Variants in RYR2 observed in about 807,000 individuals in gnomAD.
RYR2 encodes ryanodine receptor 2, also known as cardiac muscle ryanodine receptor-calcium release channel.
Under a neutral mutation model 601.1 loss-of-function variants are expected in RYR2, and 227 were observed. The observed-to-expected ratio is 0.38, with a 90% CI of 0.34 to 0.42. The LOEUF (loss-of-function observed/expected upper bound fraction) is 0.42, where lower values mean the gene tolerates loss of function less well. Ranked by LOEUF, RYR2 falls within the 10% of genes least tolerant of loss-of-function variation. The pLI, the probability that RYR2 is intolerant of heterozygous loss-of-function variation, is 1.00. For synonymous variants in RYR2, 2,223 were observed against 2,175.1 expected, an observed-to-expected ratio of 1.02 and a Z score of -0.61; for missense variants, 4,646 against 6,156.5, an observed-to-expected ratio of 0.75 and a Z score of 8.21.
At chr1:237,317,234 C>T (rs186681792) in intron 2 of RYR2, among the ~76,000 whole-genome samples, 281 of 152,158 alleles carry the variant, frequency 1.8e-3, no homozygotes, top group Non-Finnish European at 3.3e-3. Flanking sequence ...AAAGCAAAAC[C>T]GAATAACTCT....
intron 1 of RYR2, among the ~76,000 whole-genome samples, chr1:237,204,161 C>T (rs2149059536): frequency 6.6e-6 from 1 of 152,280 alleles, no homozygotes; most frequent in South Asian, 2.1e-4. Context: ...CAGATGTGTG[C>T]CACCACGCCT....
At chr1:237,544,841 A>G (rs1371431909) in intron 25 of RYR2, among the ~76,000 whole-genome samples, 1 of 152,180 alleles carries the variant, frequency 6.6e-6, no homozygotes, top group Non-Finnish European at 1.5e-5. Flanking sequence ...TACTGGTGAA[A>G]CATTCATGAT....
intron 1 of RYR2, among the ~76,000 whole-genome samples, chr1:237,081,280 T>TAAAAA (rs397815900): frequency 2.3e-3 from 127 of 55,532 alleles, no homozygotes; most frequent in Middle Eastern, 0.012. Context: ...TAGAGTATAA[T>TAAAAA]AAAAAAAAAA....
chr1:237,669,608 C>CA (rs1241288798), intron 58 of RYR2, among the ~76,000 whole-genome samples: 1 of 151,346 alleles, frequency 6.6e-6, no homozygotes, highest in East Asian at 2.0e-4. Context: ...CCTCACTTCT[C>CA]AGACGGGGCG....
intron 1 of RYR2, among the ~76,000 whole-genome samples, chr1:237,144,622 AT>A (rs1320927325): frequency 6.6e-6 from 1 of 152,224 alleles, no homozygotes. Flanking sequence ...TATAGTAAAT[AT>A]TCTAAGAAAA....
Position 237,699,167 on chromosome 1 carries a change from T to C in RYR2, c.9128+142T>C, listed in dbSNP as rs143857459. 1,552 of 454,344 alleles carry C rather than the reference T, an allele frequency of 3.4e-3. 15 individuals are homozygous for C. Among genetic ancestry groups the C allele is most frequent in the Admixed American group, 0.026 (671 of 26,202 alleles). 28.1% of individuals were successfully genotyped at this position (454,344 alleles called of 1,614,324 possible). A position where few individuals can be genotyped will look rare whatever the true frequency, so the allele number is the denominator to read the frequency against. On this transcript the variant is annotated intron_variant, in intron 64 of 104. Coordinates refer to ENST00000366574, the MANE Select transcript of RYR2 (RefSeq NM_001035.3). ...CTTTAGTGTAGGTGAAAAGAAAAAC[T>C]TTTTAAAATTAATACAGTGGCAGCT... is the stretch of plus-strand genomic sequence containing the variant.
chr1:237,825,529 G>C (rs1662994293), intron 101 of RYR2, among the ~76,000 whole-genome samples: 1 of 152,092 alleles, frequency 6.6e-6, no homozygotes, highest in Non-Finnish European at 1.5e-5. Context: ...ATCGATTAAA[G>C]ACTTAAACAT....
chr1:237,517,194 G>T (rs75411491), intron 24 of RYR2, among the ~76,000 whole-genome samples: 3,322 of 151,972 alleles, frequency 0.022, 55 homozygotes, highest in South Asian at 0.059. Context: ...TGTTCCCTTT[G>T]CCTGGAAAAT....
At chr1:237,630,637 A>G (rs1680147885) in intron 41 of RYR2, among the ~76,000 whole-genome samples, 1 of 152,186 alleles carries the variant, frequency 6.6e-6, no homozygotes, top group African/African-American at 2.4e-5. Flanking sequence ...AAAATGTTTT[A>G]TAGAAAAGAC....
intron 3 of RYR2, among the ~76,000 whole-genome samples, chr1:237,353,448 A>G (rs12023636): frequency 0.25 from 37,714 of 149,792 alleles, 5,017 homozygotes; most frequent in East Asian, 0.37. Context: ...GGCGGAGGTT[A>G]CAGTGAGCCG....
intron 40 of RYR2, among the ~76,000 whole-genome samples, chr1:237,627,247 G>A (rs934948533): frequency 2.6e-5 from 4 of 152,018 alleles, no homozygotes; most frequent in South Asian, 2.1e-4. Context: ...GTAACTTTTC[G>A]CTTTAATATA....
chr1:237,450,916 G>A (rs574108244), intron 14 of RYR2, among the ~76,000 whole-genome samples: 15 of 151,916 alleles, frequency 9.9e-5, no homozygotes, highest in Admixed American at 3.3e-4. Flanking sequence ...TTAAGCTTTC[G>A]TTTATTCTCC....
chr1:237,267,546 G>T (rs896267035), intron 1 of RYR2: 1 of 235,080 alleles, frequency 4.3e-6, no homozygotes, highest in Non-Finnish European at 9.0e-6. Context: ...GAAGAGAAGA[G>T]AAGAAAAGAA....
At position 237,626,580 on chromosome 1, in the gene RYR2, C is replaced by CTTT. The variant is rs60885998; in HGVS notation, c.6166+805_6166+807dup. ...TTCTTTTCTTTTTCTTTTTCTTTTT[C>CTTT]TTTTTTTTTTTTTTTTTTTTTTTTT... On this transcript the variant is annotated intron_variant, in intron 40 of 104. Coordinates refer to ENST00000366574, the MANE Select transcript of RYR2 (RefSeq NM_001035.3). 6.9e-3 allele frequency among the ~76,000 whole-genome samples: 276 copies of CTTT among 40,056 alleles called. 43 individuals carry two copies. Among genetic ancestry groups the CTTT allele is most frequent in the East Asian group, 0.037 (36 of 974 alleles). The allele number at this position is 40,056 out of a possible 152,430, so 26.3% of individuals were successfully genotyped here.
chr1:237,742,168 C>T, intron 79 of RYR2, 128 bp from the exon 80 acceptor site: 1 of 661,196 alleles, frequency 1.5e-6, no homozygotes, highest in Admixed American at 2.9e-5. Context: ...TTCTATCTTA[C>T]ATGTGTTTAA....
intron 76 of RYR2, 66 bp from the exon 77 acceptor site, chr1:237,730,194 A>G (rs1690551608): frequency 1.2e-6 from 1 of 842,926 alleles, no homozygotes; most frequent in South Asian, 1.4e-5. Flanking sequence ...GTAATAAAGC[A>G]CTACTCAATA....
At chr1:237,533,373 T>C (rs915866768) in intron 25 of RYR2, among the ~76,000 whole-genome samples, 10 of 152,242 alleles carry the variant, frequency 6.6e-5, no homozygotes, top group African/African-American at 2.4e-4. Context: ...AAATTGAACA[T>C]TTGCACGTCT....
intron 1 of RYR2, among the ~76,000 whole-genome samples, chr1:237,212,382 T>C (rs1682677971): frequency 6.6e-6 from 1 of 152,210 alleles, no homozygotes; most frequent in Non-Finnish European, 1.5e-5. Context: ...TTGTTCCCAG[T>C]ATTTCACTAT....
chr1:237,474,221 A>G (rs1304743909), intron 17 of RYR2, among the ~76,000 whole-genome samples: 4 of 63,722 alleles, frequency 6.3e-5, no homozygotes, highest in Non-Finnish European at 8.9e-5. Context: ...GTGTGTGTGT[A>G]GATCTATACA....
Sources: allele counts gnomAD v4.1 joint callset (sites outside exome capture counted in the v4.1 genomes callset), GRCh38; gene constraint gnomAD v4.1.1; transcripts MANE v1.5; gene names NCBI Gene and HGNC (gene_info 2026-07-23, HGNC 2026-07-21).